Variants in CHRM3 observed in about 807,000 individuals in gnomAD.
CHRM3 encodes cholinergic receptor muscarinic 3.
A neutral mutation model predicts 41.8 loss-of-function variants in CHRM3; 11 were observed. The observed-to-expected ratio is 0.26, with a 90% CI of 0.17 to 0.44. CHRM3 has a LOEUF of 0.44. Ranked by LOEUF, CHRM3 falls within the 20% of genes least tolerant of loss-of-function variation. The pLI is 1.00. For missense variants in CHRM3, 571 were observed against 745.4 expected, an observed-to-expected ratio of 0.77 and a Z score of 2.72; for synonymous variants, 297 against 301.4, an observed-to-expected ratio of 0.99 and a Z score of 0.15.
intron 1 of CHRM3, among the ~76,000 whole-genome samples, chr1:239,401,552 G>T (rs1659976079): frequency 6.6e-6 from 1 of 151,418 alleles, no homozygotes; most frequent in Non-Finnish European, 1.5e-5. Context: ...GTGCAGTGGT[G>T]CAATCTCGGC....
At chr1:239,613,835 G>A (rs914618116) in intron 3 of CHRM3, among the ~76,000 whole-genome samples, 4 of 151,932 alleles carry the variant, frequency 2.6e-5, no homozygotes, top group Non-Finnish European at 1.5e-5. Context: ...TCATTAATCA[G>A]AGATGTAAAG....
intron 5 of CHRM3, among the ~76,000 whole-genome samples, chr1:239,805,685 T>G (rs1257631435): frequency 1.3e-5 from 2 of 152,066 alleles, no homozygotes; most frequent in Non-Finnish European, 2.9e-5. Flanking sequence ...CACACATAGG[T>G]ATATTCTCCT....
chr1:239,789,035 G>A (rs76207388), intron 5 of CHRM3, among the ~76,000 whole-genome samples: 1,932 of 152,180 alleles, frequency 0.013, 36 homozygotes, highest in African/African-American at 0.044. Flanking sequence ...CTGGTCAGGC[G>A]TCTTTTCTCT....
At chr1:239,819,339 A>C (rs998496555) in intron 5 of CHRM3, among the ~76,000 whole-genome samples, 1 of 152,118 alleles carries the variant, frequency 6.6e-6, no homozygotes, top group Non-Finnish European at 1.5e-5. Context: ...AAGGGCTTAG[A>C]TCAACACTTT....
intron 5 of CHRM3, among the ~76,000 whole-genome samples, chr1:239,692,400 C>T (rs1258826013): frequency 1.3e-5 from 2 of 152,064 alleles, no homozygotes; most frequent in Non-Finnish European, 2.9e-5. Flanking sequence ...AATGAACTCT[C>T]CTTGAGTAAG....
intron 4 of CHRM3, among the ~76,000 whole-genome samples, chr1:239,636,674 A>T (rs1287456805): frequency 6.6e-6 from 1 of 152,218 alleles, no homozygotes; most frequent in African/African-American, 2.4e-5. Context: ...AAATGTTAAA[A>T]AAATGGAAGC....
At chr1:239,767,159 C>A (rs1289999670) in intron 5 of CHRM3, among the ~76,000 whole-genome samples, 1 of 152,014 alleles carries the variant, frequency 6.6e-6, no homozygotes, top group Non-Finnish European at 1.5e-5. Context: ...TTCAGAAAAT[C>A]TTTGTCACAT....
chr1:239,610,190 C>CA (rs35512941), intron 3 of CHRM3, among the ~76,000 whole-genome samples: 9 of 77,882 alleles, frequency 1.2e-4, no homozygotes, highest in Admixed American at 3.5e-4. Context: ...AAGACTCTGT[C>CA]AAAAAAAAAA....
intron 1 of CHRM3, among the ~76,000 whole-genome samples, chr1:239,395,976 A>G (rs1659441447): frequency 1.3e-5 from 2 of 152,166 alleles, no homozygotes; most frequent in African/African-American, 4.8e-5. Context: ...TGTTGAGTTC[A>G]GTCTCAAGTC....
At chr1:239,502,524 A>G (rs778310243) in intron 2 of CHRM3, among the ~76,000 whole-genome samples, 1 of 152,216 alleles carries the variant, frequency 6.6e-6, no homozygotes, top group African/African-American at 2.4e-5. Flanking sequence ...AATTGGTACC[A>G]ATCCTTTTGA....
chr1:239,388,085 C>T (rs975018463), intron 1 of CHRM3, among the ~76,000 whole-genome samples: 1 of 152,182 alleles, frequency 6.6e-6, no homozygotes, highest in Non-Finnish European at 1.5e-5. Context: ...GTGTGTCCGA[C>T]TCTCCTTGCA....
intron 1 of CHRM3, among the ~76,000 whole-genome samples, chr1:239,465,273 C>A (rs924296946): frequency 6.6e-6 from 1 of 152,004 alleles, no homozygotes; most frequent in African/African-American, 2.4e-5. Context: ...ACAAGGAGAA[C>A]TTTCTGGGCT....
At chr1:239,743,418 G>C (rs1360085062) in intron 5 of CHRM3, among the ~76,000 whole-genome samples, 1 of 152,140 alleles carries the variant, frequency 6.6e-6, no homozygotes, top group Non-Finnish European at 1.5e-5. Flanking sequence ...ATAGATACAG[G>C]TGGCTCAGTG....
intron 6 of CHRM3, among the ~76,000 whole-genome samples, chr1:239,828,279 TACAC>T (rs374814926): frequency 2.6e-5 from 4 of 152,034 alleles, no homozygotes; most frequent in Non-Finnish European, 4.4e-5. Context: ...CATTCATAAA[TACAC>T]ACATAGACAC....
At chr1:239,822,478 T>C (rs1672132789) in intron 5 of CHRM3, among the ~76,000 whole-genome samples, 1 of 152,238 alleles carries the variant, frequency 6.6e-6, no homozygotes, top group Admixed American at 6.5e-5. Context: ...ATGATTTATC[T>C]AGCATGAAAT....
chr1:239,730,662 G>A (rs139392549), intron 5 of CHRM3, among the ~76,000 whole-genome samples: 218 of 152,102 alleles, frequency 1.4e-3, no homozygotes, highest in Middle Eastern at 3.4e-3. Context: ...TAGGTTGCAT[G>A]AGTGAACCAT....
Position 239,809,530 on chromosome 1 carries a change from C to A in CHRM3, c.-146-17722C>A, listed in dbSNP as rs193028507. 1.0e-3 allele frequency among the ~76,000 whole-genome samples: 159 copies of A among 152,044 alleles called. 1 individual carries two copies. The highest frequency in any genetic ancestry group is 3.6e-3 in the African/African-American group (151 of 41,438). ...TTTGTTTTCTTGAGATGGGGTCTAG[C>A]TCTGTGGCCCAGGCTGGAGTGCAGT... On this transcript the variant is annotated intron_variant, in intron 5 of 6. Transcript: ENST00000676153.
chr1:239,666,166 C>T lies in CHRM3; in HGVS notation c.-249-12020C>T, dbSNP rs1673777101. Among the ~76,000 whole-genome samples, 3 of 150,358 alleles carry T rather than the reference C, an allele frequency of 2.0e-5. No homozygotes were observed. In the South Asian group the frequency reaches 6.3e-4, roughly 32 times the overall value. On this transcript the variant is annotated intron_variant, in intron 4 of 6. Coordinates refer to ENST00000676153, the MANE Select transcript of CHRM3 (RefSeq NM_001375978.1). ...TAAAAGCATTCCTATTTCTCCACAT[C>T]CTCTCCAGCGTCTGTTGTTGCCTGA...
At chr1:239,667,144 A>C (rs1673890109) in intron 4 of CHRM3, among the ~76,000 whole-genome samples, 2 of 152,126 alleles carry the variant, frequency 1.3e-5, no homozygotes, top group Admixed American at 1.3e-4. Context: ...TTGTATCACG[A>C]ATTGCTTATA....
Sources: gnomAD v4.1 joint callset for allele counts (sites outside exome capture counted in the v4.1 genomes callset) on GRCh38, gnomAD v4.1.1 for gene constraint, MANE v1.5 for transcripts, NCBI Gene and HGNC (gene_info 2026-07-23, HGNC 2026-07-21) for gene names.